The following JUP variants were observed in gnomAD, a reference collection of about 807,000 sequenced individuals.
The protein encoded by JUP is junction plakoglobin.
Under a neutral mutation model 71.1 loss-of-function variants are expected in JUP, and 28 were observed. The ratio of observed to expected loss-of-function variants is 0.39; its 90% CI spans 0.29 to 0.54. The LOEUF is 0.54. Among genes scored for constraint, JUP ranks in the 20% least tolerant of loss-of-function variants. The probability of loss-of-function intolerance (pLI) is 0.62; values close to 1 mark genes in which losing one functional copy is unlikely to be tolerated. For missense variants in JUP, 869 were observed against 1,030.1 expected, an observed-to-expected ratio of 0.84 and a Z score of 2.14; for synonymous variants, 401 against 438.9, an observed-to-expected ratio of 0.91 and a Z score of 1.08.
intron 1 of JUP, chr17:41,772,906 C>A: frequency 1.0e-6 from 1 of 985,518 alleles, no homozygotes; most frequent in Non-Finnish European, 1.2e-6. Flanking sequence ...GTCCTGGGAA[C>A]TGACCTGCAG....
At chr17:41,776,968 T>C (rs530227247) in intron 1 of JUP, among the ~76,000 whole-genome samples, 2 of 152,206 alleles carry the variant, frequency 1.3e-5, no homozygotes, top group South Asian at 4.2e-4. Context: ...ATCGCACCAA[T>C]TGCATTCCAG....
intron 1 of JUP, among the ~76,000 whole-genome samples, chr17:41,783,294 G>GTT (rs34800389): frequency 4.7e-5 from 5 of 106,946 alleles, no homozygotes; most frequent in African/African-American, 1.3e-4. Flanking sequence ...CGTTTTTTTT[G>GTT]TTTTTTTTTT....
At chr17:41,760,374 G>T (rs563377904) in intron 8 of JUP, among the ~76,000 whole-genome samples, 2 of 150,898 alleles carry the variant, frequency 1.3e-5, no homozygotes, top group South Asian at 4.2e-4. Flanking sequence ...TCCTGCCTCA[G>T]CCTCCTGAGT....
chr17:41,755,825 GTCCATGTGCATC>G lies in JUP; in HGVS notation c.2145_2156del (p.Glu715_Met718del). 6.2e-7 allele frequency: 1 copy of G among 1,613,428 alleles called. No individual in the cohort carries two copies. Among genetic ancestry groups the G allele is most frequent in the Non-Finnish European group, 8.5e-7 (1 of 1,179,700 alleles). ...TGTCGATGGGGTAGTCTCCATCCAT[GTCCATGTGCATC>G]TCCAGCGGGTCAAGGGGCACATCGC... is the stretch of plus-strand genomic sequence containing the variant. On this transcript the variant is annotated inframe_deletion, in exon 14 of 14. Coordinates refer to ENST00000393931, the MANE Select transcript of JUP (RefSeq NM_002230.4).
chr17:41,763,669 C>T (rs976870076), intron 7 of JUP, among the ~76,000 whole-genome samples: 3 of 152,074 alleles, frequency 2.0e-5, no homozygotes, highest in Admixed American at 1.3e-4. Flanking sequence ...GGCCAAAGTA[C>T]GGTGGCCAAG....
chr17:41,764,083 C>T (rs537378534), intron 7 of JUP, among the ~76,000 whole-genome samples: 1 of 152,308 alleles, frequency 6.6e-6, no homozygotes, highest in Middle Eastern at 3.4e-3. Flanking sequence ...AGGGTGAGCA[C>T]TTGATAAACA....
At chr17:41,769,814 G>T in intron 2 of JUP, 137 bp from the exon 3 acceptor site, 1 of 939,962 alleles carries the variant, frequency 1.1e-6, no homozygotes, top group Non-Finnish European at 1.6e-6. Context: ...CACATGACTG[G>T]CCATTCTACC....
At chr17:41,758,977 G>C (rs1442074781) in intron 8 of JUP, 107 bp from the exon 9 acceptor site, 1 of 1,172,636 alleles carries the variant, frequency 8.5e-7, no homozygotes, top group Non-Finnish European at 1.2e-6. Flanking sequence ...CTGTCCCCGA[G>C]GCCAGACACA....
At chr17:41,763,418 C>CA (rs1915213592) in intron 7 of JUP, 97 bp from the exon 8 acceptor site, 3 of 841,328 alleles carry the variant, frequency 3.6e-6, no homozygotes, top group Non-Finnish European at 5.8e-6. Context: ...CTAAAGGGGT[C>CA]AGCCCTGCCT....
intron 1 of JUP, chr17:41,772,696 A>G (rs1351885737): frequency 3.4e-6 from 2 of 582,100 alleles, no homozygotes; most frequent in Non-Finnish European, 4.3e-6. Context: ...CCTCTCCTCC[A>G]GAAGTGCTTC....
At chr17:41,783,893 C>CAA (rs35672991) in intron 1 of JUP, among the ~76,000 whole-genome samples, 118 of 81,784 alleles carry the variant, frequency 1.4e-3, no homozygotes, top group African/African-American at 1.8e-3. Flanking sequence ...GACTCCATCT[C>CAA]AAAAAAAAAA....
intron 1 of JUP, among the ~76,000 whole-genome samples, chr17:41,774,873 C>T (rs566500307): frequency 3.2e-4 from 49 of 151,834 alleles, no homozygotes; most frequent in African/African-American, 1.2e-3. Context: ...GAGGCCAAGG[C>T]GGGCAGATCA....
At chr17:41,782,052 A>G (rs978921720) in intron 1 of JUP, among the ~76,000 whole-genome samples, 1 of 152,180 alleles carries the variant, frequency 6.6e-6, no homozygotes, top group African/African-American at 2.4e-5. Context: ...CCCTCAGGGA[A>G]TCCAGAAGCG....
At chr17:41,762,174 AGAGTGTGT>A (rs1323071818) in intron 8 of JUP, among the ~76,000 whole-genome samples, 5 of 42,354 alleles carry the variant, frequency 1.2e-4, no homozygotes, top group Admixed American at 2.6e-4. Flanking sequence ...AGAGAGAGAG[AGAGTGTGT>A]GTGTGTGTGT....
intron 1 of JUP, among the ~76,000 whole-genome samples, chr17:41,780,431 C>T (rs1218118113): frequency 6.7e-6 from 1 of 150,088 alleles, no homozygotes; most frequent in African/African-American, 2.5e-5. Context: ...CAGTGGCTCA[C>T]GCCTGTAATC....
At chr17:41,762,380 C>T (rs1555601749) in intron 8 of JUP, among the ~76,000 whole-genome samples, 1 of 151,782 alleles carries the variant, frequency 6.6e-6, no homozygotes, top group African/African-American at 2.4e-5. Context: ...AGCCACTGCA[C>T]CCAGCCTCCT....
At chr17:41,760,654 G>A (rs558139860) in intron 8 of JUP, among the ~76,000 whole-genome samples, 26 of 152,250 alleles carry the variant, frequency 1.7e-4, no homozygotes, top group African/African-American at 6.3e-4. Context: ...TCTGCCTTCC[G>A]GGTTCAAGTA....
chr17:41,760,286 C>T (rs1555600549), intron 8 of JUP, among the ~76,000 whole-genome samples: 1 of 151,578 alleles, frequency 6.6e-6, no homozygotes, highest in Non-Finnish European at 1.5e-5. Context: ...GACGGAGTCT[C>T]GCTCTGTCGC....
intron 5 of JUP, 32 bp downstream of exon 5, chr17:41,767,347 T>G (rs1555604454): frequency 1.3e-6 from 2 of 1,598,814 alleles, no homozygotes; most frequent in Non-Finnish European, 1.7e-6. Context: ...AAGGGTGGGC[T>G]TCAGGCCTCG....
Sources: gnomAD v4.1 joint callset for allele counts (sites outside exome capture counted in the v4.1 genomes callset) on GRCh38, gnomAD v4.1.1 for gene constraint, MANE v1.5 for transcripts, NCBI Gene and HGNC (gene_info 2026-07-23, HGNC 2026-07-21) for gene names.